Variants in TIAM1 observed in about 807,000 individuals in gnomAD.
TIAM1 encodes the protein rho guanine nucleotide exchange factor TIAM1.
A neutral mutation model predicts 163.5 loss-of-function variants in TIAM1; 65 were observed. That is an observed-to-expected ratio of 0.40 (90% confidence interval 0.33 to 0.49). TIAM1 has a LOEUF of 0.49. TIAM1 is among the 20% of genes least tolerant of loss of function. TIAM1 has a pLI of 0.77. For synonymous variants in TIAM1, 833 were observed against 810.1 expected, an observed-to-expected ratio of 1.03 and a Z score of -0.48; for missense variants, 1,789 against 2,044.7, an observed-to-expected ratio of 0.87 and a Z score of 2.41.
chr21:31,525,384 A>AG (rs2047745293), intron 1 of TIAM1, among the ~76,000 whole-genome samples: 1 of 151,510 alleles, frequency 6.6e-6, no homozygotes, highest in Admixed American at 6.6e-5. Flanking sequence ...AAAAAAAAAA[A>AG]TCAGATCTGA....
chr21:31,365,070 T>A (rs887331249), intron 2 of TIAM1, among the ~76,000 whole-genome samples: 2 of 152,192 alleles, frequency 1.3e-5, no homozygotes, highest in African/African-American at 2.4e-5. Flanking sequence ...CCCAGCCGCT[T>A]AAAAATGTAA....
At chr21:31,255,505 C>A (rs999332403) in intron 4 of TIAM1, among the ~76,000 whole-genome samples, 1 of 152,146 alleles carries the variant, frequency 6.6e-6, no homozygotes, top group Non-Finnish European at 1.5e-5. Flanking sequence ...TTCAGAGGGG[C>A]TCCTGCTACT....
intron 2 of TIAM1, among the ~76,000 whole-genome samples, chr21:31,449,770 C>G (rs925074426): frequency 6.6e-6 from 1 of 152,202 alleles, no homozygotes; most frequent in Non-Finnish European, 1.5e-5. Flanking sequence ...GCAACTGTCA[C>G]AACTCCCTTT....
chr21:31,252,021 C>A lies in TIAM1; in HGVS notation c.1132G>T (p.Ala378Ser). The A allele has an allele frequency of 1.2e-6, 2 of 1,614,100 alleles. No individual in the cohort carries two copies. The highest frequency in any genetic ancestry group is 1.7e-6 in the Non-Finnish European group (2 of 1,179,998). The change falls in exon 5 of 28, where the codon GCG (alanine) becomes TCG (serine). Residue 378 changes from alanine (A) to serine (S), a missense_variant. Ala to Ser is a moderately conservative substitution (Grantham distance 99). Around this residue, in one of 5 missense-constraint regions of TIAM1, gnomAD observed 555 missense variants for 564.9 expected, o/e 0.98. Transcript: ENST00000541036. Reference protein sequence around the residue: ...SDSGSSSTGDAARQGVYENFR... With the variant: ...SDSGSSSTGDSARQGVYENFR... ...TTCTCGTACACCCCCTGACGAGCCG[C>A]ATCCCCGGTGGAGCTGCTGCCGCTG...
chr21:31,199,910 TAA>T (rs113858336), intron 12 of TIAM1, among the ~76,000 whole-genome samples: 20 of 130,924 alleles, frequency 1.5e-4, no homozygotes, highest in African/African-American at 2.3e-4. Flanking sequence ...AACATCACAT[TAA>T]AAAAAAAAAA....
At chr21:31,432,321 G>C (rs71321390) in intron 2 of TIAM1, among the ~76,000 whole-genome samples, 6,661 of 152,034 alleles carry the variant, frequency 0.044, 233 homozygotes, top group East Asian at 0.13. Flanking sequence ...GCATGGTCTC[G>C]ATCTCCTGAC....
chr21:31,365,423 C>G (rs2147143734), intron 2 of TIAM1, among the ~76,000 whole-genome samples: 1 of 142,466 alleles, frequency 7.0e-6, no homozygotes, highest in South Asian at 2.2e-4. Context: ...GAGTCTCGCT[C>G]TGTCGCCCAG....
chr21:31,188,263 C>G (rs932063185), intron 13 of TIAM1, among the ~76,000 whole-genome samples: 1 of 152,120 alleles, frequency 6.6e-6, no homozygotes, highest in South Asian at 2.1e-4. Flanking sequence ...GAGGGCCACC[C>G]GTGAGGACTT....
At chr21:31,459,875 C>A (rs1452029295) in intron 2 of TIAM1, among the ~76,000 whole-genome samples, 1 of 152,222 alleles carries the variant, frequency 6.6e-6, no homozygotes, top group Non-Finnish European at 1.5e-5. Context: ...AAAGAGCCAA[C>A]TGGAGCCGGA....
In TIAM1 at chr21:31,393,309, G is replaced by A. The variant is rs12627681; in HGVS notation, c.-368-53887C>T. Among the ~76,000 whole-genome samples, 59 of 152,242 alleles carry A rather than the reference G, an allele frequency of 3.9e-4. No homozygotes were observed. The East Asian group carries it at 9.6e-3, about 25-fold the overall frequency. ...TATTGCTTTACAGCAATGAAAAACCGATTAACACAGTACTTTGCCAGAATT... is the reference window on the plus strand; with the variant it reads ...TATTGCTTTACAGCAATGAAAAACCAATTAACACAGTACTTTGCCAGAATT... On this transcript the variant is annotated intron_variant, in intron 2 of 28. Transcript: ENST00000286827.
chr21:31,511,878 AT>A (rs2047221499), intron 1 of TIAM1, among the ~76,000 whole-genome samples: 1 of 152,202 alleles, frequency 6.6e-6, no homozygotes, highest in Non-Finnish European at 1.5e-5. Flanking sequence ...TAATTTGAGA[AT>A]CTATTTGAAA....
chr21:31,516,278 G>A (rs1444152086), intron 1 of TIAM1, among the ~76,000 whole-genome samples: 1 of 152,006 alleles, frequency 6.6e-6, no homozygotes, highest in Non-Finnish European at 1.5e-5. Context: ...CGGGAGTGGT[G>A]GCATGTGCCT....
rs114515732 is a variant in TIAM1 at position 31,215,191 on chromosome 21, G to A, written c.2143-1719C>T. 9.2e-3 allele frequency among the ~76,000 whole-genome samples: 1,404 copies of A among 152,126 alleles called. 27 individuals are homozygous for A. The highest frequency in any genetic ancestry group is 0.032 in the African/African-American group (1,320 of 41,480). On this transcript the variant is annotated intron_variant, in intron 9 of 27. Transcript: ENST00000541036. ...TCAAGCAGAAGCACATGAACAAAGG[G>A]TTTTGTTAGAAAACAAGTCCAAACT...
At chr21:31,306,202 C>T (rs1387996131) in intron 2 of TIAM1, among the ~76,000 whole-genome samples, 4 of 151,754 alleles carry the variant, frequency 2.6e-5, no homozygotes, top group South Asian at 2.1e-4. Flanking sequence ...GAGGATTGCT[C>T]GAGCCCAGGA....
intron 12 of TIAM1, among the ~76,000 whole-genome samples, chr21:31,198,197 C>T (rs909875878): frequency 1.3e-5 from 2 of 152,150 alleles, no homozygotes; most frequent in African/African-American, 4.8e-5. Context: ...CGTCCAGAAA[C>T]GATTTTATTC....
At chr21:31,432,313 A>G (rs981006900) in intron 2 of TIAM1, among the ~76,000 whole-genome samples, 1 of 151,942 alleles carries the variant, frequency 6.6e-6, no homozygotes, top group African/African-American at 2.4e-5. Flanking sequence ...GTTGGCCAGC[A>G]TGGTCTCGAT....
At chr21:31,545,597 G>A (rs2048461479) in intron 1 of TIAM1, among the ~76,000 whole-genome samples, 1 of 152,102 alleles carries the variant, frequency 6.6e-6, no homozygotes, top group Admixed American at 6.5e-5. Flanking sequence ...TAGTGTCTAA[G>A]GAGAAAGGGG....
intron 2 of TIAM1, among the ~76,000 whole-genome samples, chr21:31,419,580 T>C (rs1418493055): frequency 1.3e-5 from 2 of 152,216 alleles, no homozygotes; most frequent in Non-Finnish European, 2.9e-5. Flanking sequence ...TAATATGCAT[T>C]AGATGCGTTT....
intron 5 of TIAM1, 30 bp from the exon 6 acceptor site, chr21:31,245,690 G>T (rs998384096): frequency 2.0e-6 from 3 of 1,466,658 alleles, no homozygotes; most frequent in African/African-American, 2.9e-5. Context: ...GTGTGCATGA[G>T]TATTCAGTGC....
Sources: allele counts gnomAD v4.1 joint callset (sites outside exome capture counted in the v4.1 genomes callset), GRCh38; gene constraint gnomAD v4.1.1; regional missense constraint gnomAD v4.1.1; transcripts MANE v1.5; gene names NCBI Gene and HGNC (gene_info 2026-07-23, HGNC 2026-07-21).